Variants in SH3RF2 observed in about 807,000 individuals in gnomAD.
The protein encoded by SH3RF2 is SH3 domain containing ring finger 2.
In SH3RF2, 43 loss-of-function variants were observed where a neutral mutation model predicts 59.0. That is an observed-to-expected ratio of 0.73 (90% confidence interval 0.57 to 0.94). SH3RF2 has a LOEUF of 0.94. Ranked by LOEUF, SH3RF2 falls within the 40% of genes least tolerant of loss-of-function variation. SH3RF2 has a pLI of 0.00. For synonymous variants in SH3RF2, 391 were observed against 391.5 expected, an observed-to-expected ratio of 1.00 and a Z score of 0.01; for missense variants, 930 against 940.1, an observed-to-expected ratio of 0.99 and a Z score of 0.14.
At chr5:145,948,580 T>A (rs1758079154) in intron 2 of SH3RF2, among the ~76,000 whole-genome samples, 1 of 152,184 alleles carries the variant, frequency 6.6e-6, no homozygotes, top group African/African-American at 2.4e-5. Context: ...AGGCAAATAA[T>A]CCCAGGGTGT....
intron 7 of SH3RF2, among the ~76,000 whole-genome samples, chr5:146,052,239 C>G (rs1453854062): frequency 1.3e-5 from 2 of 152,134 alleles, no homozygotes; most frequent in Non-Finnish European, 2.9e-5. Context: ...AGCTGAAACT[C>G]TCCCGGGAAA....
chr5:145,944,100 T>A (rs1461810984), intron 2 of SH3RF2, among the ~76,000 whole-genome samples: 1 of 152,166 alleles, frequency 6.6e-6, no homozygotes, highest in Non-Finnish European at 1.5e-5. Flanking sequence ...CAGCCCTAAT[T>A]TGAAAATCTG....
intron 2 of SH3RF2, among the ~76,000 whole-genome samples, chr5:145,938,886 G>A (rs1282398797): frequency 6.6e-6 from 1 of 152,240 alleles, no homozygotes; most frequent in African/African-American, 2.4e-5. Context: ...GATAGCAAAG[G>A]CTGGGCTGTG....
At chr5:145,996,597 T>C (rs2149980852) in intron 2 of SH3RF2, among the ~76,000 whole-genome samples, 1 of 152,324 alleles carries the variant, frequency 6.6e-6, no homozygotes, top group Non-Finnish European at 1.5e-5. Context: ...ATCCAAATGC[T>C]CATTTTATAA....
intron 6 of SH3RF2, 55 bp downstream of exon 6, chr5:146,047,918 A>G: frequency 6.5e-7 from 1 of 1,532,054 alleles, no homozygotes; most frequent in South Asian, 1.1e-5. Context: ...GGTCATCTTT[A>G]CCATGTACAG....
At chr5:145,983,737 G>C (rs1001553044) in intron 2 of SH3RF2, among the ~76,000 whole-genome samples, 7 of 152,206 alleles carry the variant, frequency 4.6e-5, no homozygotes, top group African/African-American at 1.4e-4. Context: ...ATGGTTGCCT[G>C]CAGTGGTGAT....
intron 4 of SH3RF2, among the ~76,000 whole-genome samples, chr5:146,009,015 T>C (rs1760765803): frequency 6.6e-6 from 1 of 152,234 alleles, no homozygotes. Flanking sequence ...TGCCAGAGCT[T>C]GTTCATTCAC....
At chr5:146,053,777 G>A (rs6580406) in intron 7 of SH3RF2, among the ~76,000 whole-genome samples, 50,698 of 152,000 alleles carry the variant, frequency 0.33, 8,958 homozygotes, top group Non-Finnish European at 0.38. Context: ...CCTACCTGGT[G>A]CCTTATGGGT....
At chr5:145,995,270 G>A (rs1394984038) in intron 2 of SH3RF2, among the ~76,000 whole-genome samples, 1 of 152,146 alleles carries the variant, frequency 6.6e-6, no homozygotes, top group East Asian at 1.9e-4. Context: ...TCCCACACTG[G>A]CCTGGACTTA....
At position 145,938,184 on chromosome 5, in the gene SH3RF2, G is replaced by A; in HGVS notation, c.256G>A (p.Gly86Ser). The A allele has an allele frequency of 6.2e-7, 1 of 1,614,008 alleles. No individual in the cohort carries two copies. Among genetic ancestry groups the A allele is most frequent in the East Asian group, 2.2e-5 (1 of 44,874 alleles). The stretch of plus-strand genomic sequence containing the variant: ...CTCAGGGCAGAGCTCCGGGAGAGGG[G>A]GCTCCTTCCGCAGGCCTGGCACGAT... ...VRSGQSSGRG[G>S]SFRRPGTMTL... The change falls in exon 2 of 10, where the codon GGC becomes AGC. Residue 86 changes from glycine to serine, a missense_variant. By Grantham distance (56) the Gly-to-Ser change is moderately conservative (BLOSUM62 0). Coordinates refer to ENST00000359120, the MANE Select transcript of SH3RF2 (RefSeq NM_152550.4).
intron 7 of SH3RF2, among the ~76,000 whole-genome samples, chr5:146,054,465 G>A (rs997874743): frequency 5.9e-5 from 9 of 152,212 alleles, no homozygotes; most frequent in Admixed American, 5.9e-4. Context: ...AAGACAGGCA[G>A]ATCAGTTGCA....
intron 2 of SH3RF2, among the ~76,000 whole-genome samples, chr5:145,950,569 G>T (rs1476318610): frequency 6.6e-6 from 1 of 152,172 alleles, no homozygotes; most frequent in East Asian, 1.9e-4. Flanking sequence ...TGAGAGAAAA[G>T]AGGGAGCTAG....
At chr5:146,020,302 A>G (rs771546896) in intron 5 of SH3RF2, among the ~76,000 whole-genome samples, 9 of 152,192 alleles carry the variant, frequency 5.9e-5, no homozygotes, top group Non-Finnish European at 1.2e-4. Context: ...ACACACGTGC[A>G]TACACATAAA....
At chr5:145,990,865 T>C (rs913766397) in intron 2 of SH3RF2, among the ~76,000 whole-genome samples, 1 of 152,188 alleles carries the variant, frequency 6.6e-6, no homozygotes, top group African/African-American at 2.4e-5. Context: ...AAAACAATGA[T>C]GGGTGAGAAA....
chr5:146,032,123 T>G (rs1222865582), intron 5 of SH3RF2, among the ~76,000 whole-genome samples: 1 of 152,242 alleles, frequency 6.6e-6, no homozygotes, highest in Non-Finnish European at 1.5e-5. Context: ...TTGGTTTTTG[T>G]TTTGTATATG....
intron 9 of SH3RF2, among the ~76,000 whole-genome samples, chr5:146,070,780 G>A (rs544522914): frequency 1.3e-5 from 2 of 152,304 alleles, no homozygotes; most frequent in South Asian, 2.1e-4. Flanking sequence ...CTTTTGGGGG[G>A]TAGATACACA....
intron 2 of SH3RF2, among the ~76,000 whole-genome samples, chr5:145,995,342 G>A (rs1372172651): frequency 1.3e-5 from 2 of 152,146 alleles, no homozygotes; most frequent in Non-Finnish European, 2.9e-5. Flanking sequence ...AGAAAAATGT[G>A]ATATTACAAT....
At chr5:145,985,647 G>T (rs1281895407) in intron 2 of SH3RF2, among the ~76,000 whole-genome samples, 1 of 152,138 alleles carries the variant, frequency 6.6e-6, no homozygotes, top group African/African-American at 2.4e-5. Flanking sequence ...TGCCAATTTG[G>T]TTTCATCTCA....
intron 2 of SH3RF2, among the ~76,000 whole-genome samples, chr5:145,985,947 T>C (rs1017541325): frequency 1.3e-5 from 2 of 152,006 alleles, no homozygotes; most frequent in Non-Finnish European, 2.9e-5. Context: ...GAGGCTTCAG[T>C]GAGCAATGAT....
Sources: gnomAD v4.1 joint callset for allele counts (sites outside exome capture counted in the v4.1 genomes callset) on GRCh38, gnomAD v4.1.1 for gene constraint, MANE v1.5 for transcripts, NCBI Gene and HGNC (gene_info 2026-07-23, HGNC 2026-07-21) for gene names.